The following AKT3 variants were observed in gnomAD, a reference collection of about 807,000 sequenced individuals.
AKT3 encodes RAC-gamma serine/threonine-protein kinase.
In AKT3, 15 loss-of-function variants were observed where a neutral mutation model predicts 65.3. The ratio of observed to expected loss-of-function variants is 0.23; its 90% CI spans 0.15 to 0.35. The LOEUF is 0.35. Among genes scored for constraint, AKT3 ranks in the 10% least tolerant of loss-of-function variants. AKT3 has a pLI of 1.00. For synonymous variants in AKT3, 206 were observed against 183.8 expected, an observed-to-expected ratio of 1.12 and a Z score of -0.98; for missense variants, 243 against 576.5, an observed-to-expected ratio of 0.42 and a Z score of 5.92.
chr1:243,591,553 C>A (rs1207994666), intron 8 of AKT3, among the ~76,000 whole-genome samples: 1 of 151,756 alleles, frequency 6.6e-6, no homozygotes. Context: ...AAAATAATAA[C>A]CTATAATCAG....
chr1:243,638,294 G>A (rs1426545767), intron 5 of AKT3, among the ~76,000 whole-genome samples: 1 of 152,148 alleles, frequency 6.6e-6, no homozygotes, highest in Admixed American at 6.6e-5. Context: ...ATTCCTGAGA[G>A]AGTACTTTAT....
At position 243,637,679 on chromosome 1, in the gene AKT3, C is replaced by T. The variant is rs1680075818; in HGVS notation, c.493G>A (p.Val165Ile). Residue 165 changes from valine (V) to isoleucine (I), a missense_variant, in exon 6 of 14, where the codon GTT becomes ATT. By Grantham distance (29) the Val-to-Ile change is conservative. Around this residue, in one of 6 missense-constraint regions of AKT3, gnomAD observed 61 missense variants for 163.3 expected, o/e 0.37. Coordinates refer to ENST00000673466, the MANE Select transcript of AKT3 (RefSeq NM_005465.7). ...GKGTFGKVIL[V>I]REKASGKYYA... ...TATTTTCCACTTGCCTTCTCTCGAA[C>T]CAAAATAACTTTCCCAAAAGTGCCT... is the stretch of plus-strand genomic sequence containing the variant. The T allele has an allele frequency of 1.2e-6, 2 of 1,604,922 alleles. No individual in the cohort carries two copies. Among genetic ancestry groups the T allele is most frequent in the Non-Finnish European group, 8.5e-7 (1 of 1,172,924 alleles).
chr1:243,537,140 G>A (rs374917566), intron 12 of AKT3, among the ~76,000 whole-genome samples: 1 of 152,092 alleles, frequency 6.6e-6, no homozygotes, highest in African/African-American at 2.4e-5. Context: ...GCAAAAATGT[G>A]TCCTCAAACC....
chr1:243,627,476 C>T (rs1315512823), intron 6 of AKT3, among the ~76,000 whole-genome samples: 3 of 152,208 alleles, frequency 2.0e-5, no homozygotes, highest in Non-Finnish European at 2.9e-5. Context: ...GCAGGTTTAT[C>T]TGCATTTATC....
intron 3 of AKT3, among the ~76,000 whole-genome samples, chr1:243,689,208 T>G (rs1160283483): frequency 1.3e-5 from 2 of 152,142 alleles, no homozygotes; most frequent in African/African-American, 2.4e-5. Context: ...CCTTTCACTA[T>G]CAGGTATGGG....
chr1:243,803,256 T>G (rs958575367), intron 2 of AKT3, among the ~76,000 whole-genome samples: 2 of 152,132 alleles, frequency 1.3e-5, no homozygotes, highest in African/African-American at 4.8e-5. Context: ...CCAACAACAT[T>G]AAAAGTCCAG....
intron 2 of AKT3, chr1:243,818,115 T>C (rs982528557): frequency 6.6e-6 from 1 of 152,230 alleles, no homozygotes; most frequent in Admixed American, 6.5e-5. Flanking sequence ...CCTAACTTTC[T>C]AGAAAGTCAA....
chr1:243,695,880 C>A (rs1685032128), intron 2 of AKT3, among the ~76,000 whole-genome samples, 164 bp from the exon 3 acceptor site: 1 of 151,958 alleles, frequency 6.6e-6, no homozygotes, highest in Non-Finnish European at 1.5e-5. Context: ...CATAAGCCTA[C>A]AATTAAGATT....
At chr1:243,798,448 C>T (rs1465645575) in intron 2 of AKT3, among the ~76,000 whole-genome samples, 4 of 112,076 alleles carry the variant, frequency 3.6e-5, no homozygotes, top group African/African-American at 1.3e-4. Context: ...CGCTATGTTA[C>T]AGGCTGGTCT....
intron 2 of AKT3, among the ~76,000 whole-genome samples, chr1:243,810,865 G>A (rs1450634650): frequency 6.6e-6 from 1 of 152,132 alleles, no homozygotes; most frequent in Non-Finnish European, 1.5e-5. Context: ...ATGCAAGGCT[G>A]GTTCAACATA....
At chr1:243,680,576 G>A (rs1683839759) in intron 3 of AKT3, among the ~76,000 whole-genome samples, 1 of 151,866 alleles carries the variant, frequency 6.6e-6, no homozygotes, top group Admixed American at 6.6e-5. Flanking sequence ...TTTACTCAAA[G>A]TATAATAAAC....
chr1:243,773,186 T>G (rs1285905769), intron 2 of AKT3, among the ~76,000 whole-genome samples: 1 of 145,552 alleles, frequency 6.9e-6, no homozygotes, highest in East Asian at 2.0e-4. Flanking sequence ...TAAAGTATAA[T>G]AAAAACATAT....
At chr1:243,706,533 T>TC (rs1451876746) in intron 2 of AKT3, among the ~76,000 whole-genome samples, 12 of 152,216 alleles carry the variant, frequency 7.9e-5, no homozygotes, top group African/African-American at 2.9e-4. Context: ...AAGGAGTTTT[T>TC]CCTCTAAGAA....
chr1:243,576,822 T>G (rs1352015983), intron 8 of AKT3, among the ~76,000 whole-genome samples: 1 of 152,206 alleles, frequency 6.6e-6, no homozygotes, highest in Non-Finnish European at 1.5e-5. Flanking sequence ...ATAGATTCAA[T>G]GCTATTCACA....
intron 8 of AKT3, among the ~76,000 whole-genome samples, chr1:243,579,263 A>C (rs1675164712): frequency 6.6e-6 from 1 of 152,304 alleles, no homozygotes; most frequent in South Asian, 2.1e-4. Context: ...ATGAAGGTAG[A>C]TATGGGAATC....
chr1:243,847,394 G>C (rs991719263), intron 1 of AKT3, among the ~76,000 whole-genome samples: 1 of 152,028 alleles, frequency 6.6e-6, no homozygotes, highest in African/African-American at 2.4e-5. Flanking sequence ...CCTTCCCAAG[G>C]ACAAATTCTT....
intron 5 of AKT3, among the ~76,000 whole-genome samples, chr1:243,643,052 G>A (rs1680560714): frequency 6.6e-6 from 1 of 152,168 alleles, no homozygotes; most frequent in South Asian, 2.1e-4. Context: ...TCTTTCTCAC[G>A]GGAAGAGGTG....
At chr1:243,587,543 G>A (rs979255019) in intron 8 of AKT3, among the ~76,000 whole-genome samples, 2 of 152,126 alleles carry the variant, frequency 1.3e-5, no homozygotes, top group Non-Finnish European at 2.9e-5. Context: ...CCCGGGAGGT[G>A]GAGCTTGCAG....
chr1:243,505,870 A>G (rs112623367), intron 13 of AKT3, among the ~76,000 whole-genome samples: 297 of 152,366 alleles, frequency 1.9e-3, no homozygotes, highest in Middle Eastern at 3.4e-3. Context: ...AAACTTTAGC[A>G]TGAAGGGACT....
Sources: allele counts gnomAD v4.1 joint callset (sites outside exome capture counted in the v4.1 genomes callset), GRCh38; gene constraint gnomAD v4.1.1; regional missense constraint gnomAD v4.1.1; transcripts MANE v1.5; gene names NCBI Gene and HGNC (gene_info 2026-07-23, HGNC 2026-07-21).